Variants in TNRC6A observed in about 807,000 individuals in gnomAD.
TNRC6A encodes the protein trinucleotide repeat containing adaptor 6A, also known as trinucleotide repeat-containing gene 6A protein.
A neutral mutation model predicts 221.2 loss-of-function variants in TNRC6A; 44 were observed. The observed-to-expected ratio is 0.20, with a 90% CI of 0.16 to 0.26. The LOEUF (loss-of-function observed/expected upper bound fraction) is 0.26, where lower values mean the gene tolerates loss of function less well. Among genes scored for constraint, TNRC6A ranks in the 10% least tolerant of loss-of-function variants. The pLI is 1.00. For missense variants in TNRC6A, 2,199 were observed against 2,404.4 expected, an observed-to-expected ratio of 0.91 and a Z score of 1.79; for synonymous variants, 847 against 838.5, an observed-to-expected ratio of 1.01 and a Z score of -0.18.
At chr16:24,705,228 TCA>T (rs960832915) in intron 2 of TNRC6A, among the ~76,000 whole-genome samples, 8 of 152,098 alleles carry the variant, frequency 5.3e-5, no homozygotes, top group African/African-American at 1.9e-4. Context: ...CTTGCCCAGA[TCA>T]CACAGTTAAT....
intron 2 of TNRC6A, among the ~76,000 whole-genome samples, chr16:24,696,287 G>T (rs1380627499): frequency 1.3e-5 from 2 of 149,902 alleles, no homozygotes; most frequent in African/African-American, 2.5e-5. Flanking sequence ...GGCGGAGCTT[G>T]CAGTGAGCCC....
chr16:24,690,452 T>C, intron 2 of TNRC6A, among the ~76,000 whole-genome samples: 1 of 152,210 alleles, frequency 6.6e-6, no homozygotes, highest in East Asian at 1.9e-4. Context: ...TCTTTCTGTA[T>C]TCTATGGCAA....
chr16:24,756,187 A>C lies in TNRC6A; in HGVS notation c.142-2152A>C, dbSNP rs1177137785. Among the ~76,000 whole-genome samples the C allele has an allele frequency of 5.9e-5, 9 of 152,176 alleles. 1 individual carries two copies. Among genetic ancestry groups the C allele is most frequent in the Non-Finnish European group, 8.8e-5 (6 of 68,034 alleles). ...ATCTTGTGTTCTTTTAAAAATACCAAATATTAGAAATTTGGTGTGTATTTT... is the reference window on the plus strand; with the variant it reads ...ATCTTGTGTTCTTTTAAAAATACCACATATTAGAAATTTGGTGTGTATTTT... On this transcript the variant is annotated intron_variant, in intron 3 of 24. Coordinates refer to ENST00000395799, the MANE Select transcript of TNRC6A (RefSeq NM_014494.4).
rs779012827 is a variant in TNRC6A at position 24,794,604 on chromosome 16, C to T, written c.3413C>T (p.Pro1138Leu). 1.2e-6 allele frequency: 2 copies of T among 1,613,886 alleles called. No homozygotes were observed. Among genetic ancestry groups the T allele is most frequent in the Non-Finnish European group, 1.7e-6 (2 of 1,179,904 alleles). The change falls in exon 8 of 25, where the codon CCC becomes CTC. Residue 1138 changes from proline (P) to leucine (L), a missense_variant. Coordinates refer to ENST00000395799, the MANE Select transcript of TNRC6A (RefSeq NM_014494.4). ...GATATGCCATTGCCTGGAAATCGCCCCACTGGCTGGGAAGAGGAAGAGGAT... is the reference window on the plus strand; with the variant it reads ...GATATGCCATTGCCTGGAAATCGCCTCACTGGCTGGGAAGAGGAAGAGGAT... Reference protein sequence around the residue: ...GDDMPLPGNRPTGWEEEEDVE... With the variant: ...GDDMPLPGNRLTGWEEEEDVE...
intron 11 of TNRC6A, among the ~76,000 whole-genome samples, chr16:24,798,457 A>C (rs1374054564): frequency 6.6e-6 from 1 of 152,216 alleles, no homozygotes; most frequent in East Asian, 1.9e-4. Flanking sequence ...ATGGGATTAA[A>C]GTGAAGCAAG....
chr16:24,706,277 A>T (rs2056091337), intron 2 of TNRC6A, among the ~76,000 whole-genome samples: 1 of 152,194 alleles, frequency 6.6e-6, no homozygotes. Flanking sequence ...TTTTGGAAGT[A>T]GCCTCATTGA....
At chr16:24,801,714 T>A (rs1029061823) in intron 11 of TNRC6A, among the ~76,000 whole-genome samples, 1 of 152,116 alleles carries the variant, frequency 6.6e-6, no homozygotes, top group African/African-American at 2.4e-5. Context: ...GGTCGCAAAC[T>A]CCTGCCTGCC....
At chr16:24,741,552 T>G (rs2056893436) in intron 2 of TNRC6A, among the ~76,000 whole-genome samples, 1 of 152,242 alleles carries the variant, frequency 6.6e-6, no homozygotes, top group African/African-American at 2.4e-5. Context: ...TTTGTATTCA[T>G]AAGGGTTATT....
intron 1 of TNRC6A, among the ~76,000 whole-genome samples, chr16:24,624,034 A>G (rs548979012): frequency 6.6e-6 from 1 of 152,026 alleles, no homozygotes; most frequent in Admixed American, 6.6e-5. Context: ...TGAAGCCAGC[A>G]CTGGCTGTAG....
intron 2 of TNRC6A, among the ~76,000 whole-genome samples, chr16:24,702,600 C>T (rs1555491426): frequency 6.6e-6 from 1 of 151,984 alleles, no homozygotes; most frequent in Non-Finnish European, 1.5e-5. Flanking sequence ...ATTCACATAC[C>T]CTACAATTCA....
chr16:24,803,541 T>A (rs2058369569), intron 11 of TNRC6A: 1 of 152,264 alleles, frequency 6.6e-6, no homozygotes, highest in South Asian at 2.1e-4. Context: ...GAAACTTACC[T>A]GTATTATAAA....
chr16:24,672,418 G>A (rs1290756530), intron 2 of TNRC6A, among the ~76,000 whole-genome samples: 1 of 151,748 alleles, frequency 6.6e-6, no homozygotes, highest in Non-Finnish European at 1.5e-5. Flanking sequence ...GTGAGCCACC[G>A]CGCCTGGCCC....
intron 6 of TNRC6A, among the ~76,000 whole-genome samples, chr16:24,792,588 AT>A (rs1007724238): frequency 2.2e-4 from 9 of 41,420 alleles, no homozygotes; most frequent in East Asian, 1.9e-3. Context: ...GTTGGCTTTG[AT>A]TTTTTTTAAT....
intron 2 of TNRC6A, among the ~76,000 whole-genome samples, chr16:24,745,761 C>T (rs1437313130): frequency 6.6e-6 from 1 of 151,230 alleles, no homozygotes; most frequent in Non-Finnish European, 1.5e-5. Flanking sequence ...TGGGCCTCAG[C>T]CTCCCATGTA....
In TNRC6A at chr16:24,790,277, T is replaced by C. The variant is rs757262030; in HGVS notation, c.1635T>C (p.Thr545=). Residue 545 remains threonine, a synonymous_variant, in exon 6 of 25, where the codon ACT becomes ACC. Transcript: ENST00000395799. ...SGPNGQANGD[T]VNATLMQPGV... Reference sequence around the variant, plus strand: ...CTAATGGCCAAGCTAATGGTGACACTGTGAATGCAACTCTAATGCAGCCTG... The same window carrying C: ...CTAATGGCCAAGCTAATGGTGACACCGTGAATGCAACTCTAATGCAGCCTG... 1.2e-6 allele frequency: 2 copies of C among 1,614,216 alleles called. No homozygotes were observed. The highest frequency in any genetic ancestry group is 2.2e-5 in the South Asian group (2 of 91,082).
At chr16:24,793,137 A>G (rs151232923) in intron 6 of TNRC6A, among the ~76,000 whole-genome samples, 141 of 152,266 alleles carry the variant, frequency 9.3e-4, no homozygotes, top group African/African-American at 3.2e-3. Flanking sequence ...ACCTGCTCCA[A>G]TTTACAAGGT....
At position 24,826,204 on chromosome 16, in the gene TNRC6A, GTGTT is replaced by G. The variant is rs2058854828; in HGVS notation, c.*2400_*2403del. On this transcript the variant is annotated 3_prime_UTR_variant, in exon 25 of 25. Coordinates refer to ENST00000395799, the MANE Select transcript of TNRC6A (RefSeq NM_014494.4). ...TTTGCGCTTGTTATGTGGAAATAAAGTGTTTGATTTAAAATTTTTTAAAGTGGTT... is the reference window on the plus strand; with the variant it reads ...TTTGCGCTTGTTATGTGGAAATAAAGTGATTTAAAATTTTTTAAAGTGGTT... The G allele has an allele frequency of 6.6e-6, 1 of 152,520 alleles. No homozygotes were observed. Among genetic ancestry groups the G allele is most frequent in the African/African-American group, 2.4e-5 (1 of 41,426 alleles). 9.4% of individuals were successfully genotyped at this position (152,520 alleles called of 1,614,324 possible).
At chr16:24,808,828 T>G (rs192263403) in intron 17 of TNRC6A, among the ~76,000 whole-genome samples, 1 of 152,334 alleles carries the variant, frequency 6.6e-6, no homozygotes, top group African/African-American at 2.4e-5. Flanking sequence ...GTCCCTAGAT[T>G]ACTCTTTTAA....
Position 24,791,152 on chromosome 16 carries a change from A to G in TNRC6A, c.2510A>G (p.Gln837Arg), listed in dbSNP as rs2058091701. 1.9e-6 allele frequency: 3 copies of G among 1,614,118 alleles called. No individual in the cohort carries two copies. The highest frequency in any genetic ancestry group is 2.5e-6 in the Non-Finnish European group (3 of 1,180,018). The change falls in exon 6 of 25, where the codon CAG (glutamine) becomes CGG (arginine). Residue 837 changes from glutamine (Q) to arginine (R), a missense_variant. This residue lies in a region of TNRC6A where 1,405 missense variants were observed against 1,400.2 expected (regional missense o/e 1.00). Transcript: ENST00000395799. ...AAWNDSQKNK[Q>R]GWGDGQKSSQ... The stretch of plus-strand genomic sequence containing the variant: ...TGGAATGACTCGCAAAAGAATAAAC[A>G]GGGATGGGGTGATGGACAAAAATCA...
Sources: gnomAD v4.1 joint callset for allele counts (sites outside exome capture counted in the v4.1 genomes callset) on GRCh38, gnomAD v4.1.1 for gene constraint, gnomAD v4.1.1 regional missense constraint, MANE v1.5 for transcripts, NCBI Gene and HGNC (gene_info 2026-07-23, HGNC 2026-07-21) for gene names.